CSMD3: variants seen among roughly 807,000 people sequenced by gnomAD.
CSMD3 encodes the protein CUB and sushi domain-containing protein 3.
A neutral mutation model predicts 435.2 loss-of-function variants in CSMD3; 177 were observed. The ratio of observed to expected loss-of-function variants is 0.41; its 90% CI spans 0.36 to 0.46. The LOEUF (loss-of-function observed/expected upper bound fraction) is 0.46. CSMD3 is among the 20% of genes least tolerant of loss of function. The pLI, the probability that CSMD3 is intolerant of heterozygous loss-of-function variation, is 0.34. For synonymous variants in CSMD3, 1,656 were observed against 1,520.5 expected (o/e 1.09, Z -2.07); for missense variants, 4,265 against 4,504.6 (o/e 0.95, Z 1.52).
At chr8:112,944,287 T>C (rs971347417) in intron 9 of CSMD3, among the ~76,000 whole-genome samples, 2 of 151,678 alleles carry the variant, frequency 1.3e-5, no homozygotes. Flanking sequence ...GCAGCATCTC[T>C]TCTCCACTTC....
chr8:113,246,464 G>A (rs1052663640), intron 3 of CSMD3, among the ~76,000 whole-genome samples: 2 of 151,928 alleles, frequency 1.3e-5, no homozygotes, highest in Non-Finnish European at 2.9e-5. Flanking sequence ...TATTCAGTGT[G>A]CAATCATTCT....
At chr8:112,690,597 C>A (rs998306346) in intron 13 of CSMD3, among the ~76,000 whole-genome samples, 10 of 149,068 alleles carry the variant, frequency 6.7e-5, no homozygotes, top group African/African-American at 1.5e-4. Context: ...ACCCCCCCCC[C>A]CAACAAAAAA....
intron 27 of CSMD3, among the ~76,000 whole-genome samples, chr8:112,549,425 T>C: frequency 6.6e-6 from 1 of 152,060 alleles, no homozygotes; most frequent in East Asian, 1.9e-4. Context: ...TTTCAGTTTA[T>C]ACCTCTCTTT....
At chr8:113,387,389 C>T (rs1354972749) in intron 1 of CSMD3, among the ~76,000 whole-genome samples, 2 of 151,704 alleles carry the variant, frequency 1.3e-5, no homozygotes, top group Non-Finnish European at 3.0e-5. Context: ...TTATACAAGC[C>T]TTTAATAATC....
chr8:113,030,518 T>A lies in CSMD3; in HGVS notation c.918-11339A>T, dbSNP rs148804788. On this transcript the variant is annotated intron_variant, in intron 5 of 70. Coordinates refer to ENST00000297405, the MANE Select transcript of CSMD3 (RefSeq NM_198123.2). The stretch of plus-strand genomic sequence containing the variant: ...CCCAAATCCTTATAGCTAACTGATA[T>A]TTGAAAGCTCAAAATTGATCATGGA... Among the ~76,000 whole-genome samples, 24 of 149,986 alleles carry A rather than the reference T, an allele frequency of 1.6e-4. 2 individuals carry two copies. Among genetic ancestry groups the A allele is most frequent in the South Asian group, 1.1e-3 (5 of 4,710 alleles).
chr8:112,323,053 T>G (rs1355216193), intron 45 of CSMD3, among the ~76,000 whole-genome samples: 1 of 152,028 alleles, frequency 6.6e-6, no homozygotes, highest in East Asian at 1.9e-4. Flanking sequence ...CAGACAATGC[T>G]AAACATTGAA....
At chr8:112,465,421 G>A (rs1426177187) in intron 32 of CSMD3, among the ~76,000 whole-genome samples, 1 of 152,000 alleles carries the variant, frequency 6.6e-6, no homozygotes, top group Non-Finnish European at 1.5e-5. Flanking sequence ...GCCTTACCTC[G>A]CTACCCATGG....
chr8:112,337,512 C>T (rs113949447), intron 43 of CSMD3, 31 bp downstream of exon 43: 1 of 1,565,130 alleles, frequency 6.4e-7, no homozygotes, highest in Non-Finnish European at 8.8e-7. Context: ...GATGACATCA[C>T]CTAAAAGATA....
At chr8:112,476,803 A>G (rs558407448) in intron 31 of CSMD3, among the ~76,000 whole-genome samples, 3 of 152,254 alleles carry the variant, frequency 2.0e-5, no homozygotes, top group Non-Finnish European at 4.4e-5. Context: ...TGTTGCTCAT[A>G]ACCTTATGTG....
At chr8:112,983,273 CTGTT>C (rs540786449) in intron 6 of CSMD3, among the ~76,000 whole-genome samples, 5 of 151,886 alleles carry the variant, frequency 3.3e-5, no homozygotes, top group Admixed American at 2.6e-4. Flanking sequence ...GAATGTATCT[CTGTT>C]TATCCTTTGT....
At chr8:112,373,005 A>T (rs1484310860) in intron 38 of CSMD3, among the ~76,000 whole-genome samples, 9 of 132,650 alleles carry the variant, frequency 6.8e-5, no homozygotes, top group African/African-American at 1.1e-4. Flanking sequence ...TATATATAAA[A>T]ATATATATAT....
chr8:112,853,283 T>G (rs566234052), intron 11 of CSMD3, among the ~76,000 whole-genome samples: 17 of 152,286 alleles, frequency 1.1e-4, no homozygotes, highest in African/African-American at 3.6e-4. Context: ...TGGAGTGCAG[T>G]GGCATGATCT....
chr8:112,910,860 AC>A (rs368983953), intron 10 of CSMD3, among the ~76,000 whole-genome samples: 1 of 151,838 alleles, frequency 6.6e-6, no homozygotes, highest in Non-Finnish European at 1.5e-5. Flanking sequence ...AAACGATTTT[AC>A]CCAGGTCACT....
intron 1 of CSMD3, among the ~76,000 whole-genome samples, chr8:113,352,911 C>CAGGG (rs2094199245): frequency 6.6e-6 from 1 of 152,106 alleles, no homozygotes; most frequent in Admixed American, 6.5e-5. Flanking sequence ...TGAATTGGTA[C>CAGGG]AGGGACACAA....
rs147913458 is a variant in CSMD3, at chr8:113,086,802, T to G, written c.917+11954A>C. 8.5e-3 allele frequency among the ~76,000 whole-genome samples: 1,295 copies of G among 152,290 alleles called. 21 individuals carry two copies. Among genetic ancestry groups the G allele is most frequent in the African/African-American group, 0.029 (1,214 of 41,546 alleles). ...TAGCAAATTGGTACTATGATCTGTA[T>G]TTTCCTTGAAAATTGAGTTTTCAGT... On this transcript the variant is annotated intron_variant, in intron 5 of 70. Coordinates refer to ENST00000297405, the MANE Select transcript of CSMD3 (RefSeq NM_198123.2).
At position 112,355,200 on chromosome 8, in the gene CSMD3, C is replaced by T. The variant is rs552720809; in HGVS notation, c.6137-2666G>A. On this transcript the variant is annotated intron_variant, in intron 38 of 70. Coordinates refer to ENST00000297405, the MANE Select transcript of CSMD3 (RefSeq NM_198123.2). The stretch of plus-strand genomic sequence containing the variant: ...TCTCTCACATTTACAAAAACTAACT[C>T]TTGATGGATTAGATATTTAAATGTA... Among the ~76,000 whole-genome samples, 17 of 152,244 alleles carry T rather than the reference C, an allele frequency of 1.1e-4. No homozygotes were observed. In the South Asian group the frequency reaches 2.9e-3, roughly 26 times the overall value.
intron 2 of CSMD3, among the ~76,000 whole-genome samples, chr8:113,300,621 A>G (rs2093758465): frequency 6.6e-6 from 1 of 152,134 alleles, no homozygotes; most frequent in African/African-American, 2.4e-5. Flanking sequence ...CTCACTTGTA[A>G]GGAAGAGTTA....
chr8:112,632,151 T>G (rs970371380), intron 22 of CSMD3, among the ~76,000 whole-genome samples: 23 of 152,014 alleles, frequency 1.5e-4, no homozygotes, highest in African/African-American at 5.1e-4. Context: ...ACATTTTCAT[T>G]TTGGAATAGT....
At chr8:112,532,330 T>G (rs1185259887) in intron 27 of CSMD3, among the ~76,000 whole-genome samples, 11 of 151,816 alleles carry the variant, frequency 7.2e-5, no homozygotes. Context: ...CATTCCAAAT[T>G]TAGAGAAAAA....
Sources: gnomAD v4.1 joint callset for allele counts (sites outside exome capture counted in the v4.1 genomes callset) on GRCh38, gnomAD v4.1.1 for gene constraint, MANE v1.5 for transcripts, NCBI Gene and HGNC (gene_info 2026-07-23, HGNC 2026-07-21) for gene names.